The following TRAP1 variants were observed in gnomAD, a reference collection of about 807,000 sequenced individuals.
TRAP1 encodes the protein TNF receptor associated protein 1.
In TRAP1, 102 loss-of-function variants were observed where a neutral mutation model predicts 89.1. The observed-to-expected ratio is 1.15, with a 90% confidence interval of 0.98 to 1.35. TRAP1 has a LOEUF of 1.35. TRAP1 is among the 40% of genes most tolerant of loss of function. The pLI is 0.00. For missense variants in TRAP1, 1,256 were observed against 945.3 expected (o/e 1.33, Z -4.31); for synonymous variants, 508 against 388.0 (o/e 1.31, Z -3.64).
In TRAP1 at chr16:3,671,791, C is replaced by G; in HGVS notation, c.1166G>C (p.Gly389Ala). ...ILPKWLRFIR[G>A]VVDSEDIPLN... is the part of the protein sequence containing the mutation. Reference sequence around the variant, plus strand: ...GGGAATGTCCTCACTGTCCACCACACCTGGGAGACACGGCAGTCAGCTTCT... The same window carrying G: ...GGGAATGTCCTCACTGTCCACCACAGCTGGGAGACACGGCAGTCAGCTTCT... Residue 389 changes from glycine to alanine, a missense_variant and splice_region_variant, in exon 11 of 18, where the codon GGT becomes GCT. Gly to Ala is a moderately conservative substitution (Grantham distance 60). Coordinates refer to ENST00000246957, the MANE Select transcript of TRAP1 (RefSeq NM_016292.3). 1 of 1,611,962 alleles carries G rather than the reference C, an allele frequency of 6.2e-7. No individual in the cohort carries two copies. Among genetic ancestry groups the G allele is most frequent in the Non-Finnish European group, 8.5e-7 (1 of 1,179,984 alleles).
rs2051206106 is a variant in TRAP1, at chr16:3,690,942, G to T, written c.132C>A (p.Gly44=). 2 of 1,580,480 alleles carry T rather than the reference G, an allele frequency of 1.3e-6. No individual in the cohort carries two copies. Among genetic ancestry groups the T allele is most frequent in the African/African-American group, 1.4e-5 (1 of 73,014 alleles). ...AGCTCCAGGCTGGGTTTCGCCTGGG[G>T]CCCAACTGGGCTGTGGTCCTCCGAG... ...LCPRRTTAQL[G]PRRNPAWSLQ... The change falls in exon 2 of 18, where the codon GGC becomes GGA. Residue 44 remains glycine, a synonymous_variant. Coordinates refer to ENST00000246957, the MANE Select transcript of TRAP1 (RefSeq NM_016292.3).
Position 3,702,658 on chromosome 16 carries a change from T to C in TRAP1, c.89-11673A>G, listed in dbSNP as rs185321691. Among the ~76,000 whole-genome samples the C allele has an allele frequency of 2.7e-3, 416 of 151,494 alleles. 14 individuals are homozygous for C. The highest frequency in any genetic ancestry group is 9.7e-3 in the African/African-American group (399 of 40,972). On this transcript the variant is annotated intron_variant, in intron 1 of 17. Coordinates refer to ENST00000246957, the MANE Select transcript of TRAP1 (RefSeq NM_016292.3). ...ACTTGGGGTACTTGAGGCGGAAGGA[T>C]CACTTGAGACCAGAGGGTAAAGGCT...
At chr16:3,658,322 T>C (rs2042843587) in intron 17 of TRAP1, 92 bp from the exon 18 acceptor site, 1 of 1,023,228 alleles carries the variant, frequency 9.8e-7, no homozygotes, top group Middle Eastern at 2.1e-4. Flanking sequence ...TTGCCGAGGC[T>C]GGAGTGCAGA....
chr16:3,679,561 GGGATGGCT>G, intron 5 of TRAP1, among the ~76,000 whole-genome samples, 150 bp downstream of exon 5: 1 of 152,284 alleles, frequency 6.6e-6, no homozygotes, highest in East Asian at 1.9e-4. Flanking sequence ...CAGATACTGA[GGGATGGCT>G]GTCATGTCAT....
chr16:3,689,242 CTTTTT>C (rs34759526), intron 2 of TRAP1, 105 bp from the exon 3 acceptor site: 378 of 425,166 alleles, frequency 8.9e-4, no homozygotes, highest in East Asian at 1.7e-3. Flanking sequence ...GAGTTTTAAA[CTTTTT>C]TTTTTTTTTT....
At chr16:3,703,343 C>A (rs1220500597) in intron 1 of TRAP1, among the ~76,000 whole-genome samples, 2 of 151,654 alleles carry the variant, frequency 1.3e-5, no homozygotes, top group Non-Finnish European at 2.9e-5. Flanking sequence ...AACAAGTAAA[C>A]TACAGACGTA....
rs753559223 is a variant in TRAP1 at position 3,662,038 on chromosome 16, G to C, written c.1889C>G (p.Thr630Ser). ...HFLRMQQLAK[T>S]QEERAQLLQP... ...CAGGAGCTGTGCGCGCTCCTCCTGGGTCTTGGCCAGCTGCTGCATGCGCAG... is the reference window on the plus strand; with the variant it reads ...CAGGAGCTGTGCGCGCTCCTCCTGGCTCTTGGCCAGCTGCTGCATGCGCAG... The change falls in exon 16 of 18, where the codon ACC (threonine) becomes AGC (serine). Residue 630 changes from threonine (T) to serine (S), a missense_variant. By Grantham distance (58) the Thr-to-Ser change is moderately conservative. Coordinates refer to ENST00000246957, the MANE Select transcript of TRAP1 (RefSeq NM_016292.3). The C allele has an allele frequency of 6.2e-7, 1 of 1,613,200 alleles. No individual in the cohort carries two copies.
Position 3,675,393 on chromosome 16 carries a change from C to T in TRAP1, c.819G>A (p.Val273=), listed in dbSNP as rs1182184203. The change falls in exon 8 of 18, where the codon GTG becomes GTA. Residue 273 remains valine, a synonymous_variant. Coordinates refer to ENST00000246957, the MANE Select transcript of TRAP1 (RefSeq NM_016292.3). ...TGACGAAGTTGCTGTACTTCGTTAC[C>T]ACATCTGGAAGGGACAAAAGAAAAA... The part of the protein sequence containing the change: ...EFSSEARVRD[V]VTKYSNFVSF... The T allele has an allele frequency of 6.2e-7, 1 of 1,613,924 alleles. No homozygotes were observed. The highest frequency in any genetic ancestry group is 1.3e-5 in the African/African-American group (1 of 74,916).
intron 10 of TRAP1, among the ~76,000 whole-genome samples, chr16:3,672,151 T>C (rs2050922637): frequency 6.6e-6 from 1 of 152,004 alleles, no homozygotes; most frequent in Admixed American, 6.6e-5. Flanking sequence ...GCCCGGCAAT[T>C]ATGGTGAAAC....
At chr16:3,708,752 G>A (rs150708763) in intron 1 of TRAP1, among the ~76,000 whole-genome samples, 2,276 of 152,090 alleles carry the variant, frequency 0.015, 39 homozygotes, top group South Asian at 0.05. Context: ...GGAGGCGGAG[G>A]TTACAGTAAG....
intron 1 of TRAP1, among the ~76,000 whole-genome samples, chr16:3,697,309 A>G (rs549643610): frequency 1.3e-5 from 2 of 152,204 alleles, no homozygotes; most frequent in African/African-American, 4.8e-5. Context: ...GTATCCTCTG[A>G]TAATTTTTCT....
At chr16:3,666,540 T>C (rs909675090) in intron 11 of TRAP1, among the ~76,000 whole-genome samples, 10 of 146,126 alleles carry the variant, frequency 6.8e-5, no homozygotes, top group African/African-American at 2.7e-4. Flanking sequence ...AGGCTAAAAT[T>C]ATGTAATGCT....
Position 3,716,179 on chromosome 16 carries a change from T to C in TRAP1, c.88+1242A>G, listed in dbSNP as rs553949436. 3.3e-5 allele frequency among the ~76,000 whole-genome samples: 5 copies of C among 152,264 alleles called. 1 individual carries two copies. The highest frequency in any genetic ancestry group is 3.3e-4 in the Admixed American group (5 of 15,284). On this transcript the variant is annotated intron_variant, in intron 1 of 17. Coordinates refer to ENST00000246957, the MANE Select transcript of TRAP1 (RefSeq NM_016292.3). ...CAAGGTATCTTTTATAGACCACTGG[T>C]TTTGAAAAGACATAAGATTCAGCGT...
chr16:3,658,667 ATCT>A, intron 17 of TRAP1, 123 bp downstream of exon 17: 2 of 874,112 alleles, frequency 2.3e-6, no homozygotes, highest in Non-Finnish European at 3.5e-6. Flanking sequence ...GCAACACTCC[ATCT>A]CAAAAAACAA....
chr16:3,675,244 G>A (rs1028544633), intron 8 of TRAP1, 80 bp downstream of exon 8: 121 of 1,411,160 alleles, frequency 8.6e-5, no homozygotes, highest in Non-Finnish European at 1.1e-4. Context: ...CATCCCCTGG[G>A]CTCATCTCTT....
chr16:3,709,517 A>G (rs768153658), intron 1 of TRAP1, among the ~76,000 whole-genome samples: 1 of 152,216 alleles, frequency 6.6e-6, no homozygotes, highest in Non-Finnish European at 1.5e-5. Flanking sequence ...AGGGTTACAT[A>G]AATTACAAAA....
chr16:3,680,313 A>C (rs2051058164), intron 4 of TRAP1, among the ~76,000 whole-genome samples: 1 of 152,240 alleles, frequency 6.6e-6, no homozygotes, highest in Admixed American at 6.5e-5. Flanking sequence ...AGGAAGGGAC[A>C]GCAGAAAGTT....
rs753038127 is a variant in TRAP1, at chr16:3,676,040, C to T, written c.810G>A (p.Val270=). 5.0e-6 allele frequency: 8 copies of T among 1,612,872 alleles called. No individual in the cohort carries two copies. In the East Asian group the frequency reaches 1.1e-4, roughly 22 times the overall value. ...DCKEFSSEAR[V]RDVVTKYSNF... ...TGGGCCCGGGCTCCCGCTCACCTCG[C>T]ACCCGGGCCTCGCTGGAAAACTCCT... The change falls in exon 7 of 18, where the codon GTG becomes GTA. Residue 270 remains valine (V), a synonymous_variant. Transcript: ENST00000246957.
At chr16:3,694,491 G>T (rs184552013) in intron 1 of TRAP1, among the ~76,000 whole-genome samples, 1 of 151,822 alleles carries the variant, frequency 6.6e-6, no homozygotes, top group South Asian at 2.1e-4. Context: ...TTACAGGCAC[G>T]CACCACCATG....
Sources: gnomAD v4.1 joint callset for allele counts (sites outside exome capture counted in the v4.1 genomes callset) on GRCh38, gnomAD v4.1.1 for gene constraint, MANE v1.5 for transcripts, NCBI Gene and HGNC (gene_info 2026-07-23, HGNC 2026-07-21) for gene names.